Variants in MPZL1 observed in about 807,000 individuals in gnomAD.
MPZL1 encodes myelin protein zero like 1.
Under a neutral mutation model 29.3 loss-of-function variants are expected in MPZL1, and 16 were observed. That is an observed-to-expected ratio of 0.55 (90% CI 0.37 to 0.83). The LOEUF (loss-of-function observed/expected upper bound fraction) is 0.83. Ranked by LOEUF, MPZL1 falls within the 40% of genes least tolerant of loss-of-function variation. The pLI, the probability that MPZL1 is intolerant of heterozygous loss-of-function variation, is 0.00. For missense variants in MPZL1, 279 were observed against 332.9 expected (o/e 0.84, Z 1.26); for synonymous variants, 143 against 132.0 (o/e 1.08, Z -0.57).
chr1:167,776,017 A>T (rs1313628207), intron 4 of MPZL1, 47 bp from the exon 5 acceptor site: 5 of 1,246,364 alleles, frequency 4.0e-6, no homozygotes, highest in Middle Eastern at 2.8e-4. Flanking sequence ...CTATTTATTT[A>T]TTATTATTAT....
intron 1 of MPZL1, among the ~76,000 whole-genome samples, chr1:167,727,739 C>A (rs1400761198): frequency 1.3e-5 from 2 of 152,050 alleles, no homozygotes; most frequent in African/African-American, 4.8e-5. Flanking sequence ...TTTTTGCTGC[C>A]GTAAGAAAGC....
chr1:167,752,887 T>A (rs116685071), intron 1 of MPZL1, among the ~76,000 whole-genome samples: 91 of 152,374 alleles, frequency 6.0e-4, no homozygotes, highest in Non-Finnish European at 1.1e-3. Flanking sequence ...ATCTGTTCAC[T>A]CCTTTTGAAG....
chr1:167,786,307 G>T (rs1230170121), intron 5 of MPZL1, among the ~76,000 whole-genome samples: 2 of 152,156 alleles, frequency 1.3e-5, no homozygotes, highest in African/African-American at 4.8e-5. Context: ...GTATGTTTGT[G>T]TAACAAGACG....
intron 1 of MPZL1, among the ~76,000 whole-genome samples, chr1:167,730,649 A>T (rs1660244236): frequency 6.6e-6 from 1 of 152,166 alleles, no homozygotes; most frequent in Non-Finnish European, 1.5e-5. Flanking sequence ...AATCCATTAT[A>T]CTGAGTGATA....
intron 2 of MPZL1, among the ~76,000 whole-genome samples, chr1:167,770,203 C>G (rs7548280): frequency 0.18 from 27,042 of 152,152 alleles, 2,774 homozygotes; most frequent in African/African-American, 0.27. Flanking sequence ...GGGGTTTTCA[C>G]CGTGCTCAAA....
At chr1:167,764,098 G>A (rs1661057147) in intron 1 of MPZL1, among the ~76,000 whole-genome samples, 1 of 152,084 alleles carries the variant, frequency 6.6e-6, no homozygotes, top group Non-Finnish European at 1.5e-5. Flanking sequence ...AAGAATTATT[G>A]CAACACTGCA....
intron 2 of MPZL1, among the ~76,000 whole-genome samples, chr1:167,771,364 A>G (rs914211445): frequency 6.6e-6 from 1 of 152,200 alleles, no homozygotes; most frequent in Non-Finnish European, 1.5e-5. Flanking sequence ...CTTAGTACAG[A>G]ACAAAATGGA....
At chr1:167,761,645 T>G (rs141265734) in intron 1 of MPZL1, among the ~76,000 whole-genome samples, 87 of 152,208 alleles carry the variant, frequency 5.7e-4, no homozygotes, top group African/African-American at 2.0e-3. Context: ...TCTAGGGAAA[T>G]GGAAAGCAGA....
At chr1:167,760,296 G>A (rs906763755) in intron 1 of MPZL1, among the ~76,000 whole-genome samples, 3 of 152,076 alleles carry the variant, frequency 2.0e-5, no homozygotes, top group Non-Finnish European at 4.4e-5. Flanking sequence ...TCCGCCTCCC[G>A]GGTTCACGCC....
At chr1:167,759,138 A>T (rs1571155021) in intron 1 of MPZL1, among the ~76,000 whole-genome samples, 1 of 152,358 alleles carries the variant, frequency 6.6e-6, no homozygotes, top group South Asian at 2.1e-4. Flanking sequence ...TTTTGCCACT[A>T]TGCCATAATT....
intron 5 of MPZL1, among the ~76,000 whole-genome samples, chr1:167,784,417 A>G (rs1325193191): frequency 6.6e-6 from 1 of 152,218 alleles, no homozygotes; most frequent in East Asian, 1.9e-4. Flanking sequence ...TAAAACAGCT[A>G]GGTTAATGTA....
chr1:167,734,339 G>T (rs116098334), intron 1 of MPZL1, among the ~76,000 whole-genome samples: 3,176 of 152,080 alleles, frequency 0.021, 119 homozygotes, highest in African/African-American at 0.066. Flanking sequence ...GCCGAGGCAG[G>T]CCTGGCATTT....
At chr1:167,737,611 C>G (rs190807226) in intron 1 of MPZL1, among the ~76,000 whole-genome samples, 23 of 152,276 alleles carry the variant, frequency 1.5e-4, no homozygotes, top group Admixed American at 1.0e-3. Context: ...GGGATAAGCC[C>G]AGTAGATGTT....
At chr1:167,745,921 A>G (rs535291379) in intron 1 of MPZL1, among the ~76,000 whole-genome samples, 1 of 152,176 alleles carries the variant, frequency 6.6e-6, no homozygotes, top group East Asian at 1.9e-4. Flanking sequence ...TATCTCTGAT[A>G]TTGGGATATG....
At chr1:167,750,632 A>G (rs1660736937) in intron 1 of MPZL1, among the ~76,000 whole-genome samples, 1 of 152,160 alleles carries the variant, frequency 6.6e-6, no homozygotes, top group Admixed American at 6.5e-5. Context: ...TCCTTTATTT[A>G]TAAATAATTT....
intron 1 of MPZL1, among the ~76,000 whole-genome samples, chr1:167,728,988 G>A (rs915158162): frequency 3.3e-5 from 5 of 152,004 alleles, no homozygotes; most frequent in Admixed American, 6.6e-5. Context: ...GTTATCGGCC[G>A]GGCATGGTGA....
At chr1:167,778,527 T>A (rs201671556) in intron 5 of MPZL1, among the ~76,000 whole-genome samples, 69 of 138,510 alleles carry the variant, frequency 5.0e-4, no homozygotes, top group African/African-American at 1.7e-3. Flanking sequence ...GAAGGAAGGA[T>A]GGATGGATGG....
Position 167,732,179 on chromosome 1 carries a change from C to T in MPZL1, c.91+9937C>T, listed in dbSNP as rs112237702. 5.1e-3 allele frequency among the ~76,000 whole-genome samples: 780 copies of T among 152,100 alleles called. 9 individuals are homozygous for T. The highest frequency in any genetic ancestry group is 0.018 in the African/African-American group (730 of 41,490). On this transcript the variant is annotated intron_variant, in intron 1 of 5. Transcript: ENST00000359523. ...AAAAATTCTATATTCTGAAATACAC[C>T]TGGCCTTAAGACTTTTCGATTAGCT...
chr1:167,744,865 T>C (rs1210960676), intron 1 of MPZL1, among the ~76,000 whole-genome samples: 1 of 152,174 alleles, frequency 6.6e-6, no homozygotes, highest in Non-Finnish European at 1.5e-5. Flanking sequence ...ATGTTTACTG[T>C]CATCAGTTTA....
Sources: gnomAD v4.1 joint callset for allele counts (sites outside exome capture counted in the v4.1 genomes callset) on GRCh38, gnomAD v4.1.1 for gene constraint, MANE v1.5 for transcripts, NCBI Gene and HGNC (gene_info 2026-07-23, HGNC 2026-07-21) for gene names.